ARL14EPL: variants seen among roughly 807,000 people sequenced by gnomAD.
ARL14EPL encodes ARL14 effector protein-like.
A neutral mutation model predicts 15.9 loss-of-function variants in ARL14EPL; 17 were observed. The ratio of observed to expected loss-of-function variants is 1.07; its 90% CI spans 0.73 to 1.60. The LOEUF (loss-of-function observed/expected upper bound fraction) is 1.60, where lower values mean the gene tolerates loss of function less well. ARL14EPL is among the 40% of genes most tolerant of loss of function. ARL14EPL has a pLI of 0.00. For missense variants in ARL14EPL, 214 were observed against 185.9 expected (o/e 1.15, Z -0.88); for synonymous variants, 78 against 63.8 (o/e 1.22, Z -1.06).
rs145138403 is a variant in ARL14EPL at position 116,053,988 on chromosome 5, T to C, written c.97-26T>C. 2.6e-6 allele frequency: 4 copies of C among 1,518,322 alleles called. No homozygotes were observed. The Admixed American group carries it at 8.4e-5, about 32-fold the overall frequency. The allele number at this position is 1,518,322 out of a possible 1,614,324, so 94.1% of individuals were successfully genotyped here. On this transcript the variant is annotated intron_variant, in intron 2 of 3. Transcript: ENST00000686077. The stretch of plus-strand genomic sequence containing the variant: ...ACAGATAAAACTATCTGGTTCTTAC[T>C]ATTAATACATTTATTTGTTTAATAG...
At chr5:116,038,103 G>A (rs1187210089) in intron 1 of ARL14EPL, among the ~76,000 whole-genome samples, 2 of 152,128 alleles carry the variant, frequency 1.3e-5, no homozygotes, top group Non-Finnish European at 2.9e-5. Context: ...GAAAAAAAAA[G>A]TGCCTTATAT....
intron 2 of ARL14EPL, among the ~76,000 whole-genome samples, chr5:116,053,427 G>T (rs191064219): frequency 6.6e-6 from 1 of 151,236 alleles, no homozygotes; most frequent in African/African-American, 2.4e-5. Flanking sequence ...GCCCTAGAAA[G>T]TCATCCTAGC....
chr5:116,057,284 T>C (rs1334092703), intron 3 of ARL14EPL, among the ~76,000 whole-genome samples: 1 of 152,166 alleles, frequency 6.6e-6, no homozygotes, highest in Non-Finnish European at 1.5e-5. Context: ...GGGTGGGGAT[T>C]GAAGAGGACT....
intron 1 of ARL14EPL, among the ~76,000 whole-genome samples, chr5:116,047,028 A>G (rs1478325436): frequency 6.6e-6 from 1 of 152,242 alleles, no homozygotes; most frequent in African/African-American, 2.4e-5. Context: ...CAAGCCAGAA[A>G]GAGCCTGACC....
At chr5:116,034,121 G>T (rs1749007213) in intron 1 of ARL14EPL, among the ~76,000 whole-genome samples, 1 of 152,182 alleles carries the variant, frequency 6.6e-6, no homozygotes, top group Non-Finnish European at 1.5e-5. Context: ...TAAGCATGGG[G>T]TTTGTGAGAG....
At chr5:116,055,312 A>G (rs1267979651) in intron 3 of ARL14EPL, among the ~76,000 whole-genome samples, 3 of 152,224 alleles carry the variant, frequency 2.0e-5, no homozygotes, top group African/African-American at 7.2e-5. Flanking sequence ...AGTATAAATT[A>G]ATATCTTGGA....
chr5:116,057,802 A>G (rs902778935), intron 3 of ARL14EPL, among the ~76,000 whole-genome samples: 2 of 152,222 alleles, frequency 1.3e-5, no homozygotes, highest in Non-Finnish European at 1.5e-5. Context: ...GTGCCTGCTT[A>G]GGGACAAAGG....
At chr5:116,051,252 C>A in intron 1 of ARL14EPL, 1 of 465,680 alleles carries the variant, frequency 2.1e-6, no homozygotes, top group South Asian at 4.1e-5. Flanking sequence ...CTGGAACCCC[C>A]GGCAGAGGAG....
At position 116,045,851 on chromosome 5, in the gene ARL14EPL, A is replaced by G. The variant is rs1315968933; in HGVS notation, c.-9-5606A>G. Among the ~76,000 whole-genome samples, 8 of 152,212 alleles carry G rather than the reference A, an allele frequency of 5.3e-5. No homozygotes were observed. The South Asian group carries it at 1.5e-3, about 28-fold the overall frequency. On this transcript the variant is annotated intron_variant, in intron 1 of 3. Coordinates refer to ENST00000686077, the MANE Select transcript of ARL14EPL (RefSeq NM_001195581.2). ...GGATACTGTAGATAAAGTTGCTTCTAGAGCATTAACATTGATTATCTAACA... is the reference window on the plus strand; with the variant it reads ...GGATACTGTAGATAAAGTTGCTTCTGGAGCATTAACATTGATTATCTAACA...
rs1156852445 is a variant in ARL14EPL at position 116,058,911 on chromosome 5, G to A, written c.423G>A (p.Glu141=). The change falls in exon 4 of 4, where the codon GAG becomes GAA. Residue 141 remains glutamate, a synonymous_variant. Coordinates refer to ENST00000686077, the MANE Select transcript of ARL14EPL (RefSeq NM_001195581.2). ...VYDAIVTESG[E]VISTLPFNVP... ...ATGCCATCGTCACTGAGTCAGGAGA[G>A]GTCATCAGCACGCTGCCGTTTAATG... The A allele has an allele frequency of 6.5e-7, 1 of 1,536,074 alleles. No individual in the cohort carries two copies. Among genetic ancestry groups the A allele is most frequent in the Non-Finnish European group, 8.7e-7 (1 of 1,146,890 alleles).
Position 116,059,176 on chromosome 5 carries a change from G to C in ARL14EPL, c.*229G>C. ...TGCAACCAAAGAATGTAACAATGGA[G>C]GGATCAGCATTTCTCATCAGCACCC... On this transcript the variant is annotated 3_prime_UTR_variant, in exon 4 of 4. Coordinates refer to ENST00000686077, the MANE Select transcript of ARL14EPL (RefSeq NM_001195581.2). The C allele has an allele frequency of 1.9e-6, 1 of 521,310 alleles. No homozygotes were observed. The highest frequency in any genetic ancestry group is 3.5e-6 in the Non-Finnish European group (1 of 289,066). 32.3% of individuals were successfully genotyped at this position (521,310 alleles called of 1,614,324 possible). A position where few individuals can be genotyped will look rare whatever the true frequency, so the allele number is the denominator to read the frequency against.
chr5:116,055,240 C>T (rs28497127), intron 3 of ARL14EPL, among the ~76,000 whole-genome samples: 5,982 of 152,228 alleles, frequency 0.039, 325 homozygotes, highest in East Asian at 0.14. Context: ...AAAGGTACAA[C>T]CACTATTTAA....
chr5:116,054,199 C>T (rs1184115079), intron 3 of ARL14EPL, 46 bp downstream of exon 3: 3 of 1,482,188 alleles, frequency 2.0e-6, no homozygotes, highest in Non-Finnish European at 2.7e-6. Context: ...TTATGAAATG[C>T]ATGAATTCTC....
chr5:116,048,944 T>C (rs2112675408), intron 1 of ARL14EPL, among the ~76,000 whole-genome samples: 1 of 152,300 alleles, frequency 6.6e-6, no homozygotes, highest in East Asian at 1.9e-4. Context: ...TAATACAATG[T>C]TTCTCATTTA....
At chr5:116,036,574 C>T (rs1347508806) in intron 1 of ARL14EPL, among the ~76,000 whole-genome samples, 1 of 152,176 alleles carries the variant, frequency 6.6e-6, no homozygotes, top group Non-Finnish European at 1.5e-5. Context: ...TGACTAGCTT[C>T]ATGCGGTCAA....
intron 1 of ARL14EPL, among the ~76,000 whole-genome samples, chr5:116,043,256 A>G (rs1749197666): frequency 6.6e-6 from 1 of 151,908 alleles, no homozygotes; most frequent in Non-Finnish European, 1.5e-5. Flanking sequence ...ACCTGATAAT[A>G]CCACTCATAA....
At chr5:116,032,984 A>G (rs1748986598) in intron 1 of ARL14EPL, among the ~76,000 whole-genome samples, 1 of 152,016 alleles carries the variant, frequency 6.6e-6, no homozygotes, top group Non-Finnish European at 1.5e-5. Flanking sequence ...TTTTTAGTTG[A>G]GATGGGGTTT....
chr5:116,048,028 C>T (rs533668486), intron 1 of ARL14EPL, among the ~76,000 whole-genome samples: 14 of 152,154 alleles, frequency 9.2e-5, no homozygotes, highest in Non-Finnish European at 1.8e-4. Flanking sequence ...CTTAATGAAG[C>T]GGTTGATTTC....
chr5:116,051,231 T>C (rs1749370188), intron 1 of ARL14EPL: 4 of 465,606 alleles, frequency 8.6e-6, no homozygotes, highest in South Asian at 3.7e-5. Context: ...AAAGGTACTA[T>C]TGATTTTCTC....
Sources: gnomAD v4.1 joint callset for allele counts (sites outside exome capture counted in the v4.1 genomes callset) on GRCh38, gnomAD v4.1.1 for gene constraint, MANE v1.5 for transcripts, NCBI Gene and HGNC (gene_info 2026-07-23, HGNC 2026-07-21) for gene names.